The following ZC3H12B variants were observed in gnomAD, a reference collection of about 807,000 sequenced individuals.
ZC3H12B encodes the protein zinc finger CCCH-type containing 12B, also known as probable ribonuclease ZC3H12B.
In ZC3H12B, 7 loss-of-function variants were observed where a neutral mutation model predicts 43.9. The observed-to-expected ratio is 0.16, with a 90% CI of 0.09 to 0.30. ZC3H12B has a LOEUF of 0.30. ZC3H12B is among the 10% of genes least tolerant of loss of function. The pLI is 1.00. For synonymous variants in ZC3H12B, 222 were observed against 241.7 expected, an observed-to-expected ratio of 0.92 and a Z score of 0.76; for missense variants, 475 against 670.2, an observed-to-expected ratio of 0.71 and a Z score of 3.22.
At chrX:65,300,699 C>T in the ZC3H12B span, among the ~76,000 whole-genome samples, 15 of 111,180 alleles carry the variant, frequency 1.3e-4, no homozygotes, top group African/African-American at 4.6e-4. Context: ...CCTATACCAC[C>T]GCAGCTGATG....
At chrX:65,221,165 A>G in the ZC3H12B span, among the ~76,000 whole-genome samples, 1 of 111,917 alleles carries the variant, frequency 8.9e-6, no homozygotes, top group Admixed American at 9.5e-5. Context: ...TATAATAGTG[A>G]CACAACCTAT....
intron 3 of ZC3H12B, among the ~76,000 whole-genome samples, chrX:65,475,551 GATT>G (rs2067981649): frequency 9.0e-6 from 1 of 111,173 alleles, no homozygotes; most frequent in Non-Finnish European, 1.9e-5. Context: ...TACATGCAAA[GATT>G]CACTTTTTTC....
At chrX:65,284,257 A>G in the ZC3H12B span, among the ~76,000 whole-genome samples, 4 of 109,041 alleles carry the variant, frequency 3.7e-5, no homozygotes, top group East Asian at 5.7e-4. Flanking sequence ...CACACAAAAA[A>G]AAAAAAAAAC....
the ZC3H12B span, among the ~76,000 whole-genome samples, chrX:65,079,362 G>A: frequency 8.9e-6 from 1 of 112,356 alleles, no homozygotes; most frequent in Non-Finnish European, 1.9e-5. Flanking sequence ...TTAAAGAGCT[G>A]CAGGGCCTGG....
At chrX:65,096,818 G>A in the ZC3H12B span, among the ~76,000 whole-genome samples, 14 of 111,398 alleles carry the variant, frequency 1.3e-4, no homozygotes, top group Non-Finnish European at 2.6e-4. Flanking sequence ...ATATTAACAT[G>A]TAAAGGGCTT....
the ZC3H12B span, among the ~76,000 whole-genome samples, chrX:65,101,349 GCAAA>G: frequency 9.0e-6 from 1 of 111,374 alleles, no homozygotes; most frequent in African/African-American, 3.3e-5. Flanking sequence ...AGAAGCAAGA[GCAAA>G]CAAATTCAAA....
the ZC3H12B span, among the ~76,000 whole-genome samples, chrX:65,330,501 T>C: frequency 3.6e-5 from 4 of 111,659 alleles, no homozygotes; most frequent in Middle Eastern, 9.3e-3. Context: ...AAGGGAATGC[T>C]TCCAGTTTTT....
At chrX:65,353,016 TTGTGTG>T in the ZC3H12B span, among the ~76,000 whole-genome samples, 1 of 105,098 alleles carries the variant, frequency 9.5e-6, no homozygotes, top group Non-Finnish European at 2.0e-5. Flanking sequence ...CCCAGCTAAT[TTGTGTG>T]TGTGTGTGTG....
At chrX:65,414,068 G>T (rs1300300216) in intron 3 of ZC3H12B, among the ~76,000 whole-genome samples, 1 of 111,710 alleles carries the variant, frequency 9.0e-6, no homozygotes, top group Non-Finnish European at 1.9e-5. Context: ...TTCTTTTTCA[G>T]ATATTAATTG....
At chrX:65,302,844 A>G in the ZC3H12B span, among the ~76,000 whole-genome samples, 1 of 112,118 alleles carries the variant, frequency 8.9e-6, no homozygotes, top group African/African-American at 3.2e-5. Flanking sequence ...AAACCTGTAA[A>G]TAAACTCACA....
At chrX:65,367,418 C>G (rs975970550) in intron 1 of ZC3H12B, among the ~76,000 whole-genome samples, 2 of 111,630 alleles carry the variant, frequency 1.8e-5, no homozygotes, top group Non-Finnish European at 3.8e-5. Context: ...GCACCTCACT[C>G]TTGAACATGT....
intron 3 of ZC3H12B, chrX:65,469,073 A>G (rs1221542940): frequency 8.9e-6 from 1 of 112,020 alleles, no homozygotes; most frequent in African/African-American, 3.3e-5. Flanking sequence ...TGACATCGAT[A>G]AAGACCTCGC....
the ZC3H12B span, among the ~76,000 whole-genome samples, chrX:65,199,771 G>T: frequency 9.6e-4 from 95 of 99,100 alleles, no homozygotes; most frequent in African/African-American, 4.2e-3. Context: ...GCAAAAACAT[G>T]ATCTCATTTT....
At chrX:65,358,179 G>T in the ZC3H12B span, among the ~76,000 whole-genome samples, 1 of 111,277 alleles carries the variant, frequency 9.0e-6, no homozygotes, top group Non-Finnish European at 1.9e-5. Context: ...CAATACAAGA[G>T]TACCCAGATT....
the ZC3H12B span, among the ~76,000 whole-genome samples, chrX:65,053,181 A>G: frequency 1.8e-5 from 2 of 110,306 alleles, no homozygotes; most frequent in Non-Finnish European, 3.8e-5. Context: ...GTATGTATAC[A>G]TGTGCCATGT....
the ZC3H12B span, among the ~76,000 whole-genome samples, chrX:65,273,735 G>C: frequency 9.0e-6 from 1 of 111,722 alleles, no homozygotes; most frequent in Admixed American, 9.5e-5. Flanking sequence ...AAACCCATAA[G>C]ATAATCAGGG....
At chrX:65,260,262 A>G in the ZC3H12B span, among the ~76,000 whole-genome samples, 1 of 110,714 alleles carries the variant, frequency 9.0e-6, no homozygotes, top group Non-Finnish European at 1.9e-5. Context: ...TACACCAAGA[A>G]TGTGCAAGAT....
the ZC3H12B span, among the ~76,000 whole-genome samples, chrX:65,051,238 C>G: frequency 9.0e-6 from 1 of 111,162 alleles, no homozygotes; most frequent in Non-Finnish European, 1.9e-5. Context: ...TGAGTCTTCT[C>G]TTTTCTTATG....
At chrX:65,456,074 G>A (rs953314231) in intron 3 of ZC3H12B, among the ~76,000 whole-genome samples, 2 of 111,279 alleles carry the variant, frequency 1.8e-5, no homozygotes, top group African/African-American at 6.6e-5. Flanking sequence ...ATCAACTAAC[G>A]AGCAAAATAA....
Sources: allele counts gnomAD v4.1 joint callset (sites outside exome capture counted in the v4.1 genomes callset), GRCh38; gene constraint gnomAD v4.1.1; transcripts MANE v1.5; gene names NCBI Gene and HGNC (gene_info 2026-07-23, HGNC 2026-07-21).